The following GNB4 variants were observed in gnomAD, a reference collection of about 807,000 sequenced individuals.
The protein encoded by GNB4 is guanine nucleotide-binding protein subunit beta-4.
A neutral mutation model predicts 45.2 loss-of-function variants in GNB4; 28 were observed. That is an observed-to-expected ratio of 0.62 (90% CI 0.46 to 0.85). GNB4 has a LOEUF of 0.85. Ranked by LOEUF, GNB4 falls within the 40% of genes least tolerant of loss-of-function variation. The pLI, the probability that GNB4 is intolerant of heterozygous loss-of-function variation, is 0.00. For missense variants in GNB4, 321 were observed against 425.4 expected (o/e 0.75, Z 2.16); for synonymous variants, 132 against 143.7 (o/e 0.92, Z 0.58).
chr3:179,436,848 AC>A (rs1229123782), intron 1 of GNB4, among the ~76,000 whole-genome samples: 1 of 152,148 alleles, frequency 6.6e-6, no homozygotes, highest in Admixed American at 6.5e-5. Flanking sequence ...ATTTTTCAGT[AC>A]CCTTAAAGTA....
the GNB4 span, among the ~76,000 whole-genome samples, chr3:179,464,015 G>A: frequency 6.6e-6 from 1 of 152,184 alleles, no homozygotes; most frequent in East Asian, 1.9e-4. Context: ...AGCTATGACA[G>A]ACAATCAATG....
At chr3:179,456,403 TTAA>T (rs1715979341), upstream of GNB4, among the ~76,000 whole-genome samples, 1 of 152,216 alleles carries the variant, frequency 6.6e-6, no homozygotes, top group Non-Finnish European at 1.5e-5. Context: ...TAACCCTGGA[TTAA>T]TAATCTATGA....
the GNB4 span, among the ~76,000 whole-genome samples, chr3:179,501,347 G>T: frequency 6.7e-6 from 1 of 148,610 alleles, no homozygotes; most frequent in African/African-American, 2.5e-5. Context: ...CACCCAGGCT[G>T]GAGTGCAGTG....
chr3:179,452,853 C>T (rs1160177497), upstream of GNB4, among the ~76,000 whole-genome samples: 5 of 152,124 alleles, frequency 3.3e-5, no homozygotes, highest in Non-Finnish European at 7.3e-5. Flanking sequence ...TGTTTTGCAT[C>T]TGTAACTATT....
At chr3:179,439,640 ACAAATGTATATCT>A (rs1372232611) in intron 1 of GNB4, among the ~76,000 whole-genome samples, 1 of 152,252 alleles carries the variant, frequency 6.6e-6, no homozygotes. Flanking sequence ...CTCACCTGAG[ACAAATGTATATCT>A]CACTGCTTCT....
the GNB4 span, among the ~76,000 whole-genome samples, chr3:179,458,938 G>C: frequency 6.6e-6 from 1 of 152,080 alleles, no homozygotes; most frequent in Non-Finnish European, 1.5e-5. Context: ...TCCTACTTTA[G>C]TATTTCCCCT....
At chr3:179,526,599 T>C in the GNB4 span, among the ~76,000 whole-genome samples, 2 of 152,182 alleles carry the variant, frequency 1.3e-5, no homozygotes, top group African/African-American at 4.8e-5. Context: ...TCTGCTTACC[T>C]CTCTCCTGTA....
At chr3:179,519,737 C>T in the GNB4 span, among the ~76,000 whole-genome samples, 1 of 152,146 alleles carries the variant, frequency 6.6e-6, no homozygotes, top group Non-Finnish European at 1.5e-5. Flanking sequence ...GTTGTATCTC[C>T]CCATTTAAAC....
At chr3:179,426,105 C>A in intron 2 of GNB4, 39 bp downstream of exon 2, 3 of 1,535,722 alleles carry the variant, frequency 2.0e-6, no homozygotes, top group African/African-American at 1.4e-5. Context: ...ATTCCTGGTA[C>A]TAAATAAGTG....
intron 2 of GNB4, among the ~76,000 whole-genome samples, chr3:179,422,582 G>A (rs557889869): frequency 1.3e-4 from 20 of 151,994 alleles, no homozygotes; most frequent in Non-Finnish European, 2.5e-4. Context: ...TAAGATATTT[G>A]TGCAAAAGAA....
chr3:179,468,875 T>C, the GNB4 span, among the ~76,000 whole-genome samples: 1 of 152,196 alleles, frequency 6.6e-6, no homozygotes, highest in Non-Finnish European at 1.5e-5. Context: ...ACTAAGAGTC[T>C]GGCACCTTTT....
chr3:179,452,778 T>C (rs1715917248), upstream of GNB4, among the ~76,000 whole-genome samples: 1 of 152,198 alleles, frequency 6.6e-6, no homozygotes, highest in South Asian at 2.1e-4. Context: ...ATTTTTCCAT[T>C]AAGAAGAAAG....
the GNB4 span, among the ~76,000 whole-genome samples, chr3:179,508,664 TTTA>T: frequency 6.6e-6 from 1 of 151,954 alleles, no homozygotes; most frequent in Admixed American, 6.6e-5. Context: ...AAATACATAT[TTTA>T]TTGTTTTTAA....
At chr3:179,502,235 T>C in the GNB4 span, among the ~76,000 whole-genome samples, 3,703 of 140,778 alleles carry the variant, frequency 0.026, 69 homozygotes, top group Middle Eastern at 0.046. Flanking sequence ...TTTCTTTTTT[T>C]TTTTTTTTTT....
At chr3:179,452,807 A>G (rs1446532719), upstream of GNB4, among the ~76,000 whole-genome samples, 1 of 152,218 alleles carries the variant, frequency 6.6e-6, no homozygotes, top group Non-Finnish European at 1.5e-5. Context: ...AATATTCTGC[A>G]TATCAAAGTG....
At chr3:179,432,614 A>C (rs9861354) in intron 1 of GNB4, among the ~76,000 whole-genome samples, 4,428 of 152,328 alleles carry the variant, frequency 0.029, 186 homozygotes, top group African/African-American at 0.091. Context: ...CAAAGTGGCC[A>C]AACTGTATTG....
the GNB4 span, among the ~76,000 whole-genome samples, chr3:179,473,061 G>C: frequency 6.6e-6 from 1 of 152,152 alleles, no homozygotes; most frequent in South Asian, 2.1e-4. Flanking sequence ...TACTCGGGAG[G>C]CTGAGGCAGG....
At chr3:179,435,542 T>C (rs1410280360) in intron 1 of GNB4, among the ~76,000 whole-genome samples, 1 of 152,100 alleles carries the variant, frequency 6.6e-6, no homozygotes, top group Non-Finnish European at 1.5e-5. Flanking sequence ...TAGTAATTTT[T>C]GCTCAAGATC....
intron 2 of GNB4, among the ~76,000 whole-genome samples, chr3:179,424,216 G>A (rs1394949216): frequency 4.6e-5 from 7 of 152,186 alleles, no homozygotes; most frequent in Admixed American, 2.6e-4. Context: ...TCACAGAGTC[G>A]GTGTGAGGAT....
Sources: allele counts gnomAD v4.1 joint callset (sites outside exome capture counted in the v4.1 genomes callset), GRCh38; gene constraint gnomAD v4.1.1; transcripts MANE v1.5; gene names NCBI Gene and HGNC (gene_info 2026-07-23, HGNC 2026-07-21).